LRSAM1: variants seen among roughly 807,000 people sequenced by gnomAD.
The protein encoded by LRSAM1 is E3 ubiquitin-protein ligase LRSAM1.
Under a neutral mutation model 118.1 loss-of-function variants are expected in LRSAM1, and 96 were observed. That is an observed-to-expected ratio of 0.81 (90% CI 0.69 to 0.96). The LOEUF (loss-of-function observed/expected upper bound fraction) is 0.96. LRSAM1 is among the 40% of genes least tolerant of loss of function. The probability of loss-of-function intolerance (pLI) is 0.00; values close to 1 mark genes in which losing one functional copy is unlikely to be tolerated. For missense variants in LRSAM1, 804 were observed against 915.5 expected, an observed-to-expected ratio of 0.88 and a Z score of 1.57; for synonymous variants, 322 against 364.2, an observed-to-expected ratio of 0.88 and a Z score of 1.32.
Position 127,455,585 on chromosome 9 carries a change from G to A in LRSAM1, c.139G>A (p.Gly47Arg). ...SKCELSEIPFGAFATCKVLQK... is the reference protein window; with the variant it reads ...SKCELSEIPFRAFATCKVLQK... ...CTTTATCTTATCTTAGATTCCATTT[G>A]GAGCTTTTGCAACATGCAAAGTTCT... The change falls in exon 5 of 26, where the codon GGA becomes AGA. Residue 47 changes from glycine (G) to arginine (R), a missense_variant. Coordinates refer to ENST00000300417, the MANE Select transcript of LRSAM1 (RefSeq NM_001005373.4). 1 of 1,614,006 alleles carries A rather than the reference G, an allele frequency of 6.2e-7. No individual in the cohort carries two copies. The highest frequency in any genetic ancestry group is 8.5e-7 in the Non-Finnish European group (1 of 1,180,008).
intron 12 of LRSAM1, 122 bp downstream of exon 12, chr9:127,479,085 C>T (rs1255396117): frequency 8.5e-6 from 9 of 1,054,032 alleles, no homozygotes; most frequent in Non-Finnish European, 1.2e-5. Context: ...GTAATGCCTT[C>T]CTCTTACACG....
intron 21 of LRSAM1, among the ~76,000 whole-genome samples, chr9:127,494,381 C>A (rs1836044615): frequency 6.6e-6 from 1 of 152,254 alleles, no homozygotes; most frequent in South Asian, 2.1e-4. Flanking sequence ...GCAAGACAGG[C>A]CTGGGTCCAA....
intron 25 of LRSAM1, 25 bp from the exon 26 acceptor site, chr9:127,502,749 A>C: frequency 1.3e-6 from 2 of 1,590,746 alleles, no homozygotes; most frequent in East Asian, 2.3e-5. Flanking sequence ...AGGGCCAGCC[A>C]CATGCTCCCG....
intron 19 of LRSAM1, among the ~76,000 whole-genome samples, chr9:127,489,872 C>T (rs976465348): frequency 1.5e-4 from 23 of 152,232 alleles, no homozygotes; most frequent in East Asian, 3.9e-4. Flanking sequence ...GAAAAGCAGC[C>T]GGCGCAGGCC....
intron 16 of LRSAM1, among the ~76,000 whole-genome samples, chr9:127,484,185 T>C (rs1283219160): frequency 1.3e-5 from 2 of 152,086 alleles, no homozygotes; most frequent in South Asian, 2.1e-4. Context: ...ATATTTCTCC[T>C]TTTGTGTCTA....
At chr9:127,460,687 C>T (rs1261291784) in intron 7 of LRSAM1, among the ~76,000 whole-genome samples, 1 of 152,094 alleles carries the variant, frequency 6.6e-6, no homozygotes, top group African/African-American at 2.4e-5. Flanking sequence ...TTCCTGTCTC[C>T]AGCGGAAACA....
At chr9:127,485,895 G>C (rs567163038) in intron 17 of LRSAM1, 60 bp downstream of exon 17, 1 of 1,545,952 alleles carries the variant, frequency 6.5e-7, no homozygotes, top group South Asian at 1.1e-5. Context: ...CAGGGCCCAA[G>C]ACCGTGGGAT....
chr9:127,484,639 G>C (rs1422888741), intron 16 of LRSAM1, among the ~76,000 whole-genome samples: 2 of 151,792 alleles, frequency 1.3e-5, no homozygotes, highest in African/African-American at 4.8e-5. Context: ...TATATTACAG[G>C]TGAGCCGCCA....
At chr9:127,476,642 G>A (rs368138117) in intron 11 of LRSAM1, among the ~76,000 whole-genome samples, 1 of 152,044 alleles carries the variant, frequency 6.6e-6, no homozygotes, top group Non-Finnish European at 1.5e-5. Context: ...ATGATGAAGT[G>A]GCATGAGCGA....
intron 24 of LRSAM1, among the ~76,000 whole-genome samples, chr9:127,500,374 A>AAAAAAAAG (rs1306368505): frequency 2.6e-4 from 39 of 150,720 alleles, no homozygotes; most frequent in African/African-American, 8.8e-4. Flanking sequence ...AAAAAAAAAA[A>AAAAAAAAG]AGAGACTTAG....
rs369000621 is a variant in LRSAM1 at position 127,487,220 on chromosome 9, G to A, written c.1260-456G>A. ...AAAAAACAACCAAGATGGTGCCAAA[G>A]CACAAACATACGTGAGGCTGCAGGT... On this transcript the variant is annotated intron_variant, in intron 17 of 25. Transcript: ENST00000300417. 4.6e-5 allele frequency among the ~76,000 whole-genome samples: 7 copies of A among 151,090 alleles called. No individual in the cohort carries two copies. The East Asian group carries it at 1.2e-3, about 25-fold the overall frequency.
chr9:127,497,728 A>G (rs1156975936), intron 24 of LRSAM1, among the ~76,000 whole-genome samples: 2 of 152,134 alleles, frequency 1.3e-5, no homozygotes, highest in African/African-American at 4.8e-5. Flanking sequence ...GTGGACATGG[A>G]GAGATGTCCA....
intron 18 of LRSAM1, among the ~76,000 whole-genome samples, chr9:127,488,189 G>A (rs1835801286): frequency 6.6e-6 from 1 of 152,172 alleles, no homozygotes; most frequent in African/African-American, 2.4e-5. Flanking sequence ...GCCTGGCAGG[G>A]CTCTTGAGTG....
chr9:127,466,080 G>A (rs1408807957), intron 9 of LRSAM1, among the ~76,000 whole-genome samples: 3 of 152,160 alleles, frequency 2.0e-5, no homozygotes, highest in Admixed American at 2.0e-4. Context: ...AAGACGAGGT[G>A]GGTGGATCAC....
chr9:127,501,592 C>T (rs959090005), intron 25 of LRSAM1, among the ~76,000 whole-genome samples: 1 of 151,996 alleles, frequency 6.6e-6, no homozygotes, highest in African/African-American at 2.4e-5. Flanking sequence ...ATCAGCCAGG[C>T]GTGGTGGTGG....
intron 8 of LRSAM1, among the ~76,000 whole-genome samples, chr9:127,461,613 C>T (rs1834749927): frequency 1.3e-5 from 2 of 152,218 alleles, no homozygotes; most frequent in African/African-American, 4.8e-5. Context: ...CCACCTCCAG[C>T]GACGCACCAA....
chr9:127,490,695 A>G (rs1016303124), intron 19 of LRSAM1, among the ~76,000 whole-genome samples: 2 of 152,200 alleles, frequency 1.3e-5, no homozygotes, highest in Non-Finnish European at 2.9e-5. Context: ...CAGAGAATTG[A>G]TGAAATATGA....
At chr9:127,485,609 A>C in intron 16 of LRSAM1, 127 bp from the exon 17 acceptor site, 1 of 829,190 alleles carries the variant, frequency 1.2e-6, no homozygotes, top group South Asian at 1.3e-5. Context: ...GATAACTATC[A>C]GGTAGGTAAC....
At chr9:127,485,874 G>C in intron 17 of LRSAM1, 39 bp downstream of exon 17, 1 of 1,598,312 alleles carries the variant, frequency 6.3e-7, no homozygotes. Context: ...AGGGAGCTGG[G>C]GGAGCTGGCT....
Sources: gnomAD v4.1 joint callset for allele counts (sites outside exome capture counted in the v4.1 genomes callset) on GRCh38, gnomAD v4.1.1 for gene constraint, MANE v1.5 for transcripts, NCBI Gene and HGNC (gene_info 2026-07-23, HGNC 2026-07-21) for gene names.